The following IFT80 variants were observed in gnomAD, a reference collection of about 807,000 sequenced individuals.
IFT80 encodes intraflagellar transport protein 80 homolog.
IFT80 carries 79 observed loss-of-function variants against 107.9 expected under a neutral mutation model. The ratio of observed to expected loss-of-function variants is 0.73; its 90% CI spans 0.61 to 0.88. The LOEUF is 0.88. Ranked by LOEUF, IFT80 falls within the 40% of genes least tolerant of loss-of-function variation. IFT80 has a pLI of 0.00. For synonymous variants in IFT80, 299 were observed against 300.9 expected (o/e 0.99, Z 0.07); for missense variants, 797 against 914.2 (o/e 0.87, Z 1.65).
chr3:160,302,075 C>T (rs943434841), intron 11 of IFT80, among the ~76,000 whole-genome samples: 11 of 152,008 alleles, frequency 7.2e-5, no homozygotes, highest in Admixed American at 5.2e-4. Flanking sequence ...TATTGATTTA[C>T]ACACATACTA....
At chr3:160,356,974 T>C (rs1006049552) in intron 7 of IFT80, among the ~76,000 whole-genome samples, 3 of 152,210 alleles carry the variant, frequency 2.0e-5, no homozygotes, top group Non-Finnish European at 2.9e-5. Flanking sequence ...AATTGATCAA[T>C]ATTTAGTAAA....
At chr3:160,340,898 T>C (rs920511915) in intron 8 of IFT80, among the ~76,000 whole-genome samples, 1 of 152,222 alleles carries the variant, frequency 6.6e-6, no homozygotes, top group Non-Finnish European at 1.5e-5. Flanking sequence ...CAGCCAGTCA[T>C]GAAATTGCAT....
chr3:160,330,522 A>T (rs1253858976), intron 8 of IFT80, among the ~76,000 whole-genome samples: 1 of 152,140 alleles, frequency 6.6e-6, no homozygotes, highest in Non-Finnish European at 1.5e-5. Flanking sequence ...ACATAAACTT[A>T]AGTAGGAATA....
At chr3:160,311,017 C>T (rs6441309) in intron 9 of IFT80, among the ~76,000 whole-genome samples, 7 of 152,098 alleles carry the variant, frequency 4.6e-5, no homozygotes, top group Admixed American at 2.6e-4. Context: ...CCCAGCTACT[C>T]GGGAGGCTGA....
intron 8 of IFT80, among the ~76,000 whole-genome samples, chr3:160,346,899 T>G (rs1315628714): frequency 6.6e-6 from 1 of 152,204 alleles, no homozygotes; most frequent in Non-Finnish European, 1.5e-5. Flanking sequence ...TCCTCTGGTC[T>G]TTTCTGAGTG....
At position 160,387,453 on chromosome 3, in the gene IFT80, G is replaced by A. The variant is rs113773657; in HGVS notation, c.-46-2807C>T. ...CGGGAAGTGGAGGTTGCAGTGAGCC[G>A]AGATCACGCTACTGCACTCCAGCCT... is the stretch of plus-strand genomic sequence containing the variant. On this transcript the variant is annotated intron_variant, in intron 1 of 19. Transcript: ENST00000326448. 3.3e-5 allele frequency among the ~76,000 whole-genome samples: 5 copies of A among 152,174 alleles called. No homozygotes were observed. In the East Asian group the frequency reaches 5.8e-4, roughly 18 times the overall value.
At chr3:160,295,962 C>A (rs1243195165) in intron 12 of IFT80, among the ~76,000 whole-genome samples, 1 of 152,048 alleles carries the variant, frequency 6.6e-6, no homozygotes, top group East Asian at 1.9e-4. Flanking sequence ...TTTATTGGAA[C>A]AAAAAGCAGA....
intron 8 of IFT80, among the ~76,000 whole-genome samples, chr3:160,336,383 A>G (rs1457894069): frequency 6.6e-6 from 1 of 152,236 alleles, no homozygotes; most frequent in Non-Finnish European, 1.5e-5. Context: ...TTTGAGGTTT[A>G]GGAATTGCTT....
chr3:160,288,889 AGG>A (rs1453131162), intron 12 of IFT80, among the ~76,000 whole-genome samples: 1 of 152,178 alleles, frequency 6.6e-6, no homozygotes, highest in Non-Finnish European at 1.5e-5. Flanking sequence ...CATTGTGGAG[AGG>A]AGTGTGGCAA....
At chr3:160,312,392 T>C (rs1304687549) in intron 9 of IFT80, among the ~76,000 whole-genome samples, 1 of 150,412 alleles carries the variant, frequency 6.6e-6, no homozygotes, top group Non-Finnish European at 1.5e-5. Flanking sequence ...TTGGATCTAG[T>C]CCCTTGTCTC....
chr3:160,309,959 A>T (rs769079838), intron 9 of IFT80, among the ~76,000 whole-genome samples: 6 of 152,186 alleles, frequency 3.9e-5, no homozygotes, highest in Non-Finnish European at 5.9e-5. Context: ...TTAAATTTAA[A>T]TTAGAAACAG....
At chr3:160,273,401 T>C (rs1713980696) in intron 18 of IFT80, among the ~76,000 whole-genome samples, 1 of 147,126 alleles carries the variant, frequency 6.8e-6, no homozygotes, top group Non-Finnish European at 1.5e-5. Context: ...AGAGTAGATA[T>C]AGGGAGATCA....
At chr3:160,306,617 C>T (rs1716846826) in intron 10 of IFT80, among the ~76,000 whole-genome samples, 1 of 152,008 alleles carries the variant, frequency 6.6e-6, no homozygotes, top group Non-Finnish European at 1.5e-5. Context: ...ATTAAATTGC[C>T]TATTTCTTTA....
At chr3:160,312,073 G>A (rs1177665450) in intron 9 of IFT80, among the ~76,000 whole-genome samples, 5 of 152,138 alleles carry the variant, frequency 3.3e-5, no homozygotes, top group African/African-American at 7.2e-5. Context: ...GAGCTACAGC[G>A]CCCGGCCAGT....
chr3:160,377,365 T>G lies in IFT80; in HGVS notation c.370+65A>C. The G allele has an allele frequency of 3.2e-6, 3 of 931,862 alleles. No individual in the cohort carries two copies. In the Admixed American group the frequency reaches 5.2e-5, roughly 16 times the overall value. 57.7% of individuals were successfully genotyped at this position (931,862 alleles called of 1,614,324 possible). On this transcript the variant is annotated intron_variant, in intron 4 of 19. Transcript: ENST00000326448. ...AGACACTATTGCTAAATGAAAATAT[T>G]CTGTTTCTTTGGAAATTTTTCTTTA...
At chr3:160,396,340 T>C (rs1326065980) in intron 1 of IFT80, among the ~76,000 whole-genome samples, 1 of 145,226 alleles carries the variant, frequency 6.9e-6, no homozygotes, top group Admixed American at 7.0e-5. Flanking sequence ...AATACTTACA[T>C]AAATTCATAT....
At chr3:160,290,064 T>C (rs919867819) in intron 12 of IFT80, among the ~76,000 whole-genome samples, 2 of 152,142 alleles carry the variant, frequency 1.3e-5, no homozygotes, top group Admixed American at 1.3e-4. Context: ...TTTACCTGAA[T>C]GTTTCATGGG....
chr3:160,333,533 TTTTTG>T (rs1719237068), intron 8 of IFT80, among the ~76,000 whole-genome samples: 1 of 152,186 alleles, frequency 6.6e-6, no homozygotes, highest in Admixed American at 6.5e-5. Context: ...TCTTTAAAAT[TTTTTG>T]TTTTGTTTTT....
At chr3:160,275,417 A>G (rs570156222) in intron 18 of IFT80, among the ~76,000 whole-genome samples, 1 of 152,298 alleles carries the variant, frequency 6.6e-6, no homozygotes, top group South Asian at 2.1e-4. Flanking sequence ...ATTACTGTTT[A>G]TCTCTCTAAT....
Sources: allele counts gnomAD v4.1 joint callset (sites outside exome capture counted in the v4.1 genomes callset), GRCh38; gene constraint gnomAD v4.1.1; transcripts MANE v1.5; gene names NCBI Gene and HGNC (gene_info 2026-07-23, HGNC 2026-07-21).